Variants in RGL1 observed in about 807,000 individuals in gnomAD.
The protein encoded by RGL1 is ral guanine nucleotide dissociation stimulator like 1.
Under a neutral mutation model 95.2 loss-of-function variants are expected in RGL1, and 24 were observed. That is an observed-to-expected ratio of 0.25 (90% CI 0.18 to 0.35). RGL1 has a LOEUF of 0.35. Among genes scored for constraint, RGL1 ranks in the 10% least tolerant of loss-of-function variants. The probability of loss-of-function intolerance (pLI) is 1.00; values close to 1 mark genes in which losing one functional copy is unlikely to be tolerated. For missense variants in RGL1, 715 were observed against 936.3 expected, an observed-to-expected ratio of 0.76 and a Z score of 3.08; for synonymous variants, 329 against 344.9, an observed-to-expected ratio of 0.95 and a Z score of 0.51.
At chr1:183,665,788 C>A (rs1218837701) in intron 1 of RGL1, among the ~76,000 whole-genome samples, 1 of 152,008 alleles carries the variant, frequency 6.6e-6, no homozygotes, top group Non-Finnish European at 1.5e-5. Context: ...CTTAGTTAAC[C>A]TGGCTTGAGG....
intron 2 of RGL1, among the ~76,000 whole-genome samples, chr1:183,838,899 G>T (rs902837791): frequency 6.6e-6 from 1 of 152,240 alleles, no homozygotes; most frequent in Non-Finnish European, 1.5e-5. Flanking sequence ...GAATGCAGAG[G>T]TGAGGAGTGT....
intron 17 of RGL1, among the ~76,000 whole-genome samples, chr1:183,924,141 C>A (rs1204180996): frequency 6.7e-6 from 1 of 149,730 alleles, no homozygotes; most frequent in Non-Finnish European, 1.5e-5. Context: ...GATTATAAAT[C>A]ATTCTGCTAT....
intron 1 of RGL1, among the ~76,000 whole-genome samples, chr1:183,696,223 G>A (rs1654245070): frequency 6.6e-6 from 1 of 151,994 alleles, no homozygotes; most frequent in Admixed American, 6.6e-5. Flanking sequence ...ACTCTCCAAG[G>A]CTCGCGCTCT....
intron 2 of RGL1, among the ~76,000 whole-genome samples, chr1:183,807,017 G>A (rs987783165): frequency 1.3e-5 from 2 of 152,176 alleles, no homozygotes; most frequent in Non-Finnish European, 2.9e-5. Context: ...TGGATGCTTA[G>A]TACCCACTAC....
intron 4 of RGL1, among the ~76,000 whole-genome samples, chr1:183,879,597 T>C (rs1199585806): frequency 6.6e-6 from 1 of 152,246 alleles, no homozygotes; most frequent in Non-Finnish European, 1.5e-5. Flanking sequence ...GTCCCTGTCA[T>C]CTTCTCCAGC....
intron 13 of RGL1, among the ~76,000 whole-genome samples, chr1:183,906,681 C>T (rs1449881304): frequency 6.6e-6 from 1 of 152,036 alleles, no homozygotes; most frequent in Non-Finnish European, 1.5e-5. Flanking sequence ...AAGATTCTTC[C>T]ACTGGCCTAG....
At chr1:183,648,389 G>C (rs1558132393) in intron 1 of RGL1, 7 of 1,614,212 alleles carry the variant, frequency 4.3e-6, no homozygotes, top group Admixed American at 1.7e-5. Flanking sequence ...TGCAGCAGTG[G>C]TTAGCTTCAT....
At chr1:183,805,447 TA>T in intron 1 of RGL1, 123 bp downstream of exon 1, 2 of 836,866 alleles carry the variant, frequency 2.4e-6, no homozygotes, top group Non-Finnish European at 4.0e-6. Context: ...ACTTGTGAGC[TA>T]AAGCTCTCTC....
At chr1:183,779,796 CT>C (rs879499823) in intron 2 of RGL1, among the ~76,000 whole-genome samples, 132 of 146,094 alleles carry the variant, frequency 9.0e-4, no homozygotes, top group Middle Eastern at 3.6e-3. Flanking sequence ...AAATTTGTAT[CT>C]TTTTTTTTTT....
intron 1 of RGL1, among the ~76,000 whole-genome samples, chr1:183,670,569 A>G (rs1030395522): frequency 6.6e-6 from 1 of 152,192 alleles, no homozygotes; most frequent in Non-Finnish European, 1.5e-5. Context: ...AGGTTTTCCT[A>G]TCCTAGCACT....
intron 1 of RGL1, among the ~76,000 whole-genome samples, chr1:183,673,612 T>G (rs1361499849): frequency 6.6e-6 from 1 of 152,276 alleles, no homozygotes; most frequent in African/African-American, 2.4e-5. Flanking sequence ...TTTCTGATTT[T>G]GGTTCTAAAT....
chr1:183,726,453 T>A (rs1052131578), intron 1 of RGL1, among the ~76,000 whole-genome samples: 1 of 152,036 alleles, frequency 6.6e-6, no homozygotes, highest in Non-Finnish European at 1.5e-5. Context: ...ATCTCTAAGA[T>A]TCTTTATATA....
At chr1:183,904,165 T>A (rs1484837218) in intron 12 of RGL1, among the ~76,000 whole-genome samples, 1 of 152,226 alleles carries the variant, frequency 6.6e-6, no homozygotes, top group Non-Finnish European at 1.5e-5. Flanking sequence ...ATTGCTGACT[T>A]AAATTTTTTT....
chr1:183,648,822 A>G, intron 1 of RGL1: 1 of 1,476,832 alleles, frequency 6.8e-7, no homozygotes, highest in South Asian at 1.3e-5. Context: ...CTAAACAAGG[A>G]AGAGAAATTA....
At chr1:183,815,891 T>C (rs554877420) in intron 2 of RGL1, among the ~76,000 whole-genome samples, 1 of 152,252 alleles carries the variant, frequency 6.6e-6, no homozygotes, top group Admixed American at 6.5e-5. Context: ...CCATAGAACC[T>C]TGGAGAGACC....
chr1:183,875,394 A>AT (rs1334157295), intron 4 of RGL1, among the ~76,000 whole-genome samples: 1 of 152,226 alleles, frequency 6.6e-6, no homozygotes, highest in African/African-American at 2.4e-5. Context: ...ATCTGCATTC[A>AT]TTAAAAAGTC....
intron 2 of RGL1, among the ~76,000 whole-genome samples, chr1:183,810,785 G>GT (rs1661656244): frequency 1.3e-5 from 2 of 152,174 alleles, no homozygotes; most frequent in Admixed American, 6.5e-5. Flanking sequence ...AGTTCCTGGA[G>GT]TTTTCAGCTA....
chr1:183,750,406 C>T (rs1266960527), intron 2 of RGL1, among the ~76,000 whole-genome samples: 1 of 152,160 alleles, frequency 6.6e-6, no homozygotes, highest in Non-Finnish European at 1.5e-5. Context: ...TTTTTCAGCT[C>T]TATCAGGTCA....
intron 1 of RGL1, 101 bp from the exon 2 acceptor site, chr1:183,806,274 C>T (rs1661330214): frequency 6.5e-6 from 5 of 769,564 alleles, no homozygotes; most frequent in Non-Finnish European, 1.1e-5. Context: ...CCATCTTGTG[C>T]CCTGAGTGCT....
Sources: allele counts gnomAD v4.1 joint callset (sites outside exome capture counted in the v4.1 genomes callset), GRCh38; gene constraint gnomAD v4.1.1; transcripts MANE v1.5; gene names NCBI Gene and HGNC (gene_info 2026-07-23, HGNC 2026-07-21).